PIK3C2G: variants seen among roughly 807,000 people sequenced by gnomAD.
PIK3C2G encodes the protein phosphatidylinositol 3-kinase C2 domain-containing subunit gamma.
A neutral mutation model predicts 181.1 loss-of-function variants in PIK3C2G; 168 were observed. The observed-to-expected ratio is 0.93, with a 90% CI of 0.82 to 1.05. The LOEUF is 1.05. PIK3C2G is among the 50% of genes least tolerant of loss of function. The pLI is 0.00. For missense variants in PIK3C2G, 1,869 were observed against 1,732.8 expected (o/e 1.08, Z -1.40); for synonymous variants, 573 against 592.2 (o/e 0.97, Z 0.47).
At chr12:18,452,923 C>T (rs558309154) in intron 18 of PIK3C2G, among the ~76,000 whole-genome samples, 10 of 152,036 alleles carry the variant, frequency 6.6e-5, no homozygotes, top group Non-Finnish European at 8.8e-5. Context: ...CACTGTGGTC[C>T]GAGAGACTGT....
intron 31 of PIK3C2G, among the ~76,000 whole-genome samples, chr12:18,637,626 G>A (rs749753843): frequency 9.2e-5 from 14 of 152,248 alleles, no homozygotes; most frequent in Admixed American, 4.6e-4. Flanking sequence ...AATTACCCCC[G>A]TTGCATTTAG....
At chr12:18,612,011 T>C (rs1268389932) in intron 31 of PIK3C2G, among the ~76,000 whole-genome samples, 1 of 152,120 alleles carries the variant, frequency 6.6e-6, no homozygotes, top group East Asian at 1.9e-4. Context: ...AGGAGTCTTA[T>C]ATCAGTTGCA....
chr12:18,561,756 A>G (rs1294849249), intron 26 of PIK3C2G, among the ~76,000 whole-genome samples: 2 of 152,124 alleles, frequency 1.3e-5, no homozygotes, highest in Non-Finnish European at 2.9e-5. Flanking sequence ...TACAAAAAAA[A>G]ACCTTTAAAA....
chr12:18,337,988 T>C (rs1938707226), intron 8 of PIK3C2G, among the ~76,000 whole-genome samples: 1 of 152,304 alleles, frequency 6.6e-6, no homozygotes, highest in African/African-American at 2.4e-5. Flanking sequence ...AATAGGTGTA[T>C]TTTGAAACTC....
At chr12:18,566,829 C>T in intron 28 of PIK3C2G, 120 bp from the exon 29 acceptor site, 2 of 672,302 alleles carry the variant, frequency 3.0e-6, no homozygotes, top group East Asian at 2.7e-5. Context: ...TAGACTATGA[C>T]TTTTTCAAAT....
chr12:18,635,648 A>G (rs928418485), intron 31 of PIK3C2G, among the ~76,000 whole-genome samples: 2 of 152,170 alleles, frequency 1.3e-5, no homozygotes, highest in African/African-American at 4.8e-5. Context: ...AAAGCCTTCA[A>G]ACATCATCTT....
chr12:18,363,082 T>C, intron 12 of PIK3C2G, 196 bp downstream of exon 12: 1 of 433,920 alleles, frequency 2.3e-6, no homozygotes, highest in Non-Finnish European at 4.0e-6. Flanking sequence ...TTTAGAAACC[T>C]AGACAAGTGT....
In PIK3C2G at chr12:18,608,332, A is replaced by G. The variant is rs560306337; in HGVS notation, c.4088-1203A>G. Among the ~76,000 whole-genome samples, 884 of 152,194 alleles carry G rather than the reference A, an allele frequency of 5.8e-3. 2 individuals are homozygous for G. Among genetic ancestry groups the G allele is most frequent in the Middle Eastern group, 0.01 (3 of 294 alleles). The stretch of plus-strand genomic sequence containing the variant: ...CAAATGTCCAACAATGATAGACTGG[A>G]TTAAGAAAATGTGGCACATATACAC... On this transcript the variant is annotated intron_variant, in intron 30 of 32. Coordinates refer to ENST00000538779, the MANE Select transcript of PIK3C2G (RefSeq NM_001288772.2).
At chr12:18,261,821 C>T (rs1280760836) in intron 1 of PIK3C2G, among the ~76,000 whole-genome samples, 1 of 151,878 alleles carries the variant, frequency 6.6e-6, no homozygotes, top group Non-Finnish European at 1.5e-5. Flanking sequence ...TTCTCTCTTT[C>T]CCCCCTCCCT....
chr12:18,258,396 G>C (rs960054911), upstream of PIK3C2G, among the ~76,000 whole-genome samples: 5 of 151,838 alleles, frequency 3.3e-5, no homozygotes, highest in African/African-American at 1.2e-4. Context: ...TAGTTCTCCT[G>C]TCTACCTGAA....
chr12:18,399,551 AAAAT>A (rs1349915567), intron 15 of PIK3C2G, 104 bp from the exon 16 acceptor site: 4 of 540,096 alleles, frequency 7.4e-6, no homozygotes, highest in Admixed American at 3.4e-5. Context: ...AAAGTAAACT[AAAAT>A]AAAATTCAAA....
intron 23 of PIK3C2G, 61 bp from the exon 24 acceptor site, chr12:18,505,231 T>G: frequency 7.3e-7 from 1 of 1,364,170 alleles, no homozygotes. Context: ...TTACCTCTGA[T>G]GCTAATGCAT....
At chr12:18,683,379 C>CAG in the PIK3C2G span, 10 of 1,559,892 alleles carry the variant, frequency 6.4e-6, no homozygotes, top group South Asian at 1.1e-4. Flanking sequence ...AGTGGTGTCT[C>CAG]CAATAGCCTT....
intron 18 of PIK3C2G, among the ~76,000 whole-genome samples, chr12:18,429,984 A>G (rs1361230807): frequency 1.3e-5 from 2 of 151,962 alleles, no homozygotes; most frequent in East Asian, 3.9e-4. Context: ...CATAAATCAG[A>G]TCAAGGTTAG....
chr12:18,313,513 T>C (rs767992460), intron 5 of PIK3C2G, among the ~76,000 whole-genome samples: 4 of 152,112 alleles, frequency 2.6e-5, no homozygotes, highest in African/African-American at 9.7e-5. Flanking sequence ...CACATCCCAA[T>C]GCTTTCTTGA....
At chr12:18,495,898 T>C (rs1940965551) in intron 20 of PIK3C2G, among the ~76,000 whole-genome samples, 164 bp from the exon 21 acceptor site, 3 of 152,158 alleles carry the variant, frequency 2.0e-5, no homozygotes, top group Admixed American at 2.0e-4. Flanking sequence ...TTTTAAAATT[T>C]GTATGTTTCT....
At chr12:18,624,144 T>C (rs919267410) in intron 31 of PIK3C2G, among the ~76,000 whole-genome samples, 3 of 151,718 alleles carry the variant, frequency 2.0e-5, no homozygotes, top group East Asian at 1.9e-4. Flanking sequence ...ATTTTCCCCA[T>C]TGAGTATGAT....
At chr12:18,724,325 C>A in the PIK3C2G span, among the ~76,000 whole-genome samples, 305 of 151,954 alleles carry the variant, frequency 2.0e-3, no homozygotes, top group African/African-American at 7.0e-3. Context: ...AAATTTTAGA[C>A]AAATGAGAGA....
At chr12:18,576,089 C>T (rs937590097) in intron 29 of PIK3C2G, among the ~76,000 whole-genome samples, 3 of 152,168 alleles carry the variant, frequency 2.0e-5, no homozygotes, top group African/African-American at 7.2e-5. Flanking sequence ...TATACACAAA[C>T]TACTATACAA....
Sources: allele counts gnomAD v4.1 joint callset (sites outside exome capture counted in the v4.1 genomes callset), GRCh38; gene constraint gnomAD v4.1.1; transcripts MANE v1.5; gene names NCBI Gene and HGNC (gene_info 2026-07-23, HGNC 2026-07-21).